The following HS6ST3 variants were observed in gnomAD, a reference collection of about 807,000 sequenced individuals.
HS6ST3 encodes the protein heparan-sulfate 6-O-sulfotransferase 3.
In HS6ST3, 12 loss-of-function variants were observed where a neutral mutation model predicts 36.7. The ratio of observed to expected loss-of-function variants is 0.33; its 90% CI spans 0.21 to 0.53. The LOEUF (loss-of-function observed/expected upper bound fraction) is 0.53. Ranked by LOEUF, HS6ST3 falls within the 20% of genes least tolerant of loss-of-function variation. The pLI is 0.95. For missense variants in HS6ST3, 584 were observed against 640.9 expected (o/e 0.91, Z 0.96); for synonymous variants, 240 against 257.5 (o/e 0.93, Z 0.65).
At chr13:96,785,621 A>G (rs16953568) in intron 1 of HS6ST3, among the ~76,000 whole-genome samples, 13,509 of 152,182 alleles carry the variant, frequency 0.089, 710 homozygotes, top group African/African-American at 0.14. Flanking sequence ...TCTCCTTCCA[A>G]GGTCAGACAG....
At chr13:96,701,418 G>A (rs964669050) in intron 1 of HS6ST3, among the ~76,000 whole-genome samples, 1 of 152,168 alleles carries the variant, frequency 6.6e-6, no homozygotes, top group Non-Finnish European at 1.5e-5. Context: ...AAAATTAGAA[G>A]AGGCTGGGTT....
chr13:96,433,294 A>T (rs1252037685), intron 1 of HS6ST3, among the ~76,000 whole-genome samples: 1 of 152,180 alleles, frequency 6.6e-6, no homozygotes, highest in East Asian at 1.9e-4. Context: ...TCCAAAAAAG[A>T]CAGGTATCCC....
At position 96,835,840 on chromosome 13, in the gene HS6ST3, T is replaced by C. The variant is rs1384503015; in HGVS notation, c.*2642T>C. ...ACTGCCTTCTGCTGAAGGCATGATG[T>C]ATGCGGCTCCACTTGAGACCAGGTA... On this transcript the variant is annotated 3_prime_UTR_variant, in exon 2 of 2. Transcript: ENST00000376705. 4 of 152,224 alleles carry C rather than the reference T, an allele frequency of 2.6e-5. No homozygotes were observed. Among genetic ancestry groups the C allele is most frequent in the African/African-American group, 7.2e-5 (3 of 41,452 alleles). 9.4% of individuals were successfully genotyped at this position (152,224 alleles called of 1,614,324 possible). A position where few individuals can be genotyped will look rare whatever the true frequency, so the allele number is the denominator to read the frequency against.
intron 1 of HS6ST3, among the ~76,000 whole-genome samples, chr13:96,511,207 A>G (rs2056048569): frequency 6.6e-6 from 1 of 152,178 alleles, no homozygotes; most frequent in African/African-American, 2.4e-5. Context: ...ATCACTGACC[A>G]TGCTGAGATG....
chr13:96,307,042 A>ATAG (rs1200993064), intron 1 of HS6ST3, among the ~76,000 whole-genome samples: 5 of 152,178 alleles, frequency 3.3e-5, no homozygotes, highest in Admixed American at 3.3e-4. Flanking sequence ...AGATGATTTA[A>ATAG]TAGCAGTATG....
At chr13:96,275,841 TTCTC>T (rs1019367175) in intron 1 of HS6ST3, among the ~76,000 whole-genome samples, 4 of 147,306 alleles carry the variant, frequency 2.7e-5, no homozygotes, top group South Asian at 2.2e-4. Context: ...ACCATTCTTC[TTCTC>T]TCTGTCTCTC....
chr13:96,329,925 A>G (rs1312836740), intron 1 of HS6ST3, among the ~76,000 whole-genome samples: 6 of 148,596 alleles, frequency 4.0e-5, no homozygotes, highest in African/African-American at 1.5e-4. Context: ...TGATCCTTTT[A>G]CCATTATGTA....
chr13:96,762,373 G>A (rs868459576), intron 1 of HS6ST3, among the ~76,000 whole-genome samples: 1 of 152,124 alleles, frequency 6.6e-6, no homozygotes, highest in African/African-American at 2.4e-5. Flanking sequence ...CCAGCTACCT[G>A]GGAGGCTGAG....
intron 1 of HS6ST3, among the ~76,000 whole-genome samples, chr13:96,343,889 C>T (rs1018761950): frequency 1.5e-4 from 23 of 152,152 alleles, no homozygotes; most frequent in African/African-American, 3.1e-4. Context: ...ATTATAGGCG[C>T]GTGCCACTAC....
chr13:96,481,892 C>G (rs966352669), intron 1 of HS6ST3, among the ~76,000 whole-genome samples: 3 of 152,148 alleles, frequency 2.0e-5, no homozygotes, highest in Non-Finnish European at 4.4e-5. Context: ...GCCAGGCTCT[C>G]ACCTCTCTCA....
intron 1 of HS6ST3, among the ~76,000 whole-genome samples, chr13:96,116,703 T>A (rs2053895854): frequency 6.6e-6 from 1 of 152,182 alleles, no homozygotes; most frequent in South Asian, 2.1e-4. Context: ...AAGTGATAAA[T>A]TGCAGTAAAT....
chr13:96,235,437 G>C (rs1016407475), intron 1 of HS6ST3, among the ~76,000 whole-genome samples: 1 of 152,112 alleles, frequency 6.6e-6, no homozygotes, highest in African/African-American at 2.4e-5. Flanking sequence ...GCGGAATGCA[G>C]GCTGCTTGGA....
At chr13:96,718,390 A>G (rs1875757082) in intron 1 of HS6ST3, among the ~76,000 whole-genome samples, 1 of 152,174 alleles carries the variant, frequency 6.6e-6, no homozygotes, top group African/African-American at 2.4e-5. Flanking sequence ...AGATTATAGG[A>G]CATGCTGTCA....
At chr13:96,312,125 CT>C in intron 1 of HS6ST3, among the ~76,000 whole-genome samples, 1 of 152,156 alleles carries the variant, frequency 6.6e-6, no homozygotes, top group Admixed American at 6.5e-5. Context: ...CCAACACTGC[CT>C]TTTGGCTTCT....
At chr13:96,121,725 C>T (rs1594684124) in intron 1 of HS6ST3, among the ~76,000 whole-genome samples, 1 of 152,132 alleles carries the variant, frequency 6.6e-6, no homozygotes, top group Non-Finnish European at 1.5e-5. Flanking sequence ...AGCAGCTGGT[C>T]CTGGGCTCCC....
intron 1 of HS6ST3, among the ~76,000 whole-genome samples, chr13:96,509,754 G>A (rs2056041432): frequency 6.6e-6 from 1 of 152,166 alleles, no homozygotes; most frequent in South Asian, 2.1e-4. Context: ...TAGCCATGTA[G>A]TATAATTTGA....
At chr13:96,316,080 T>C (rs967856913) in intron 1 of HS6ST3, among the ~76,000 whole-genome samples, 4 of 152,236 alleles carry the variant, frequency 2.6e-5, no homozygotes, top group Non-Finnish European at 5.9e-5. Context: ...AGACTCATGG[T>C]AAGTGCTATT....
chr13:96,637,671 G>C (rs1028153095), intron 1 of HS6ST3, among the ~76,000 whole-genome samples: 3 of 152,002 alleles, frequency 2.0e-5, no homozygotes, highest in Admixed American at 6.6e-5. Context: ...TACTCTCCAG[G>C]TACCAGGAAT....
intron 1 of HS6ST3, among the ~76,000 whole-genome samples, chr13:96,726,453 T>C (rs1876008497): frequency 6.6e-6 from 1 of 152,186 alleles, no homozygotes; most frequent in South Asian, 2.1e-4. Context: ...GATGCCCAAG[T>C]ATTTCATATT....
Sources: gnomAD v4.1 joint callset for allele counts (sites outside exome capture counted in the v4.1 genomes callset) on GRCh38, gnomAD v4.1.1 for gene constraint, MANE v1.5 for transcripts, NCBI Gene and HGNC (gene_info 2026-07-23, HGNC 2026-07-21) for gene names.